ODAD2: variants seen among roughly 807,000 people sequenced by gnomAD.
The protein encoded by ODAD2 is outer dynein arm-docking complex subunit 2.
A neutral mutation model predicts 106.8 loss-of-function variants in ODAD2; 89 were observed. The observed-to-expected ratio is 0.83, with a 90% confidence interval of 0.70 to 0.99. ODAD2 has a LOEUF of 0.99. ODAD2 is among the 50% of genes least tolerant of loss of function. The pLI is 0.00. For missense variants in ODAD2, 1,168 were observed against 1,238.5 expected (o/e 0.94, Z 0.85); for synonymous variants, 404 against 436.2 (o/e 0.93, Z 0.92).
At chr10:27,965,863 C>T (rs544243109) in intron 9 of ODAD2, among the ~76,000 whole-genome samples, 29 of 152,274 alleles carry the variant, frequency 1.9e-4, no homozygotes, top group African/African-American at 6.5e-4. Context: ...TATTCCTCAT[C>T]GCTCTAGAAG....
At chr10:27,998,290 TA>T (rs1850675384) in intron 1 of ODAD2, among the ~76,000 whole-genome samples, 1 of 151,878 alleles carries the variant, frequency 6.6e-6, no homozygotes, top group Non-Finnish European at 1.5e-5. Flanking sequence ...GGGCCCTAAG[TA>T]AAACCAAAGC....
At chr10:27,864,507 T>C (rs1459165152) in intron 17 of ODAD2, among the ~76,000 whole-genome samples, 1 of 126,788 alleles carries the variant, frequency 7.9e-6, no homozygotes, top group Non-Finnish European at 1.7e-5. Flanking sequence ...GAAGTGAGAG[T>C]GGAGAGTGAG....
intron 8 of ODAD2, 49 bp downstream of exon 8, chr10:27,971,059 G>A: frequency 2.7e-6 from 3 of 1,128,694 alleles, no homozygotes; most frequent in Non-Finnish European, 2.6e-6. Flanking sequence ...AATTAGGTGA[G>A]TATGGTTACT....
At position 27,985,219 on chromosome 10, in the gene ODAD2, A is replaced by AAG; in HGVS notation, c.383-9_383-8insCT. 1.4e-6 allele frequency: 2 copies of AAG among 1,386,294 alleles called. No homozygotes were observed. Among genetic ancestry groups the AAG allele is most frequent in the Non-Finnish European group, 1.9e-6 (2 of 1,047,958 alleles). 85.9% of individuals were successfully genotyped at this position (1,386,294 alleles called of 1,614,324 possible). A position where few individuals can be genotyped will look rare whatever the true frequency, so the allele number is the denominator to read the frequency against. The stretch of plus-strand genomic sequence containing the variant: ...CTATGGGGTCTCTGTTAGCTGCCAA[A>AAG]AAAAAAAAAAAGGAGACAAATAAAA... On this transcript the variant is annotated splice_polypyrimidine_tract_variant and intron_variant, in intron 3 of 19. Coordinates refer to ENST00000305242, the MANE Select transcript of ODAD2 (RefSeq NM_018076.5).
At chr10:27,997,221 T>C (rs1330957613) in intron 1 of ODAD2, among the ~76,000 whole-genome samples, 1 of 152,204 alleles carries the variant, frequency 6.6e-6, no homozygotes, top group Non-Finnish European at 1.5e-5. Context: ...ATGCTTTAGA[T>C]TTAAACACAT....
rs373848149 is a variant in ODAD2, at chr10:27,853,776, A to G, written c.3021+6849T>C. Among the ~76,000 whole-genome samples, 24 of 152,324 alleles carry G rather than the reference A, an allele frequency of 1.6e-4. No individual in the cohort carries two copies. In the East Asian group the frequency reaches 2.5e-3, roughly 16 times the overall value. ...GTTTACTCGAATGGGTCATAGACTA[A>G]AAGTGAAAAACCAAAAATTATAAAA... On this transcript the variant is annotated intron_variant, in intron 19 of 19. Coordinates refer to ENST00000305242, the MANE Select transcript of ODAD2 (RefSeq NM_018076.5).
intron 9 of ODAD2, among the ~76,000 whole-genome samples, chr10:27,963,072 A>G (rs79305827): frequency 0.021 from 3,165 of 151,066 alleles, 91 homozygotes; most frequent in African/African-American, 0.063. Context: ...CAGTGGTGCA[A>G]TCTTGGCTCA....
chr10:27,958,269 A>T (rs1221818800), intron 10 of ODAD2, among the ~76,000 whole-genome samples: 1 of 152,168 alleles, frequency 6.6e-6, no homozygotes, highest in Non-Finnish European at 1.5e-5. Flanking sequence ...CTGTACTGGG[A>T]CAGAAATAGT....
chr10:27,986,106 T>C (rs1849858852), intron 3 of ODAD2, among the ~76,000 whole-genome samples: 1 of 152,136 alleles, frequency 6.6e-6, no homozygotes, highest in African/African-American at 2.4e-5. Flanking sequence ...GGTCATGGGA[T>C]ATGCCAAGGC....
intron 19 of ODAD2, among the ~76,000 whole-genome samples, chr10:27,851,586 GA>G (rs1283426215): frequency 6.6e-6 from 1 of 151,390 alleles, no homozygotes; most frequent in South Asian, 2.1e-4. Flanking sequence ...AAACATTGCA[GA>G]AAAAAAAGTG....
chr10:27,952,074 C>CA (rs71388944), intron 10 of ODAD2, among the ~76,000 whole-genome samples: 7,168 of 43,908 alleles, frequency 0.16, 660 homozygotes, highest in East Asian at 0.3. Context: ...GATGCCAACT[C>CA]AAAAAAAAAA....
chr10:27,825,526 C>T (rs1219503950), intron 19 of ODAD2, among the ~76,000 whole-genome samples: 1 of 152,202 alleles, frequency 6.6e-6, no homozygotes, highest in Admixed American at 6.5e-5. Flanking sequence ...ATGTATATGT[C>T]CTTCCATCAC....
intron 10 of ODAD2, among the ~76,000 whole-genome samples, chr10:27,956,204 T>C (rs1847722513): frequency 1.3e-5 from 2 of 152,156 alleles, no homozygotes; most frequent in African/African-American, 4.8e-5. Context: ...AACCCCATTG[T>C]CACTGTTTTC....
intron 19 of ODAD2, among the ~76,000 whole-genome samples, chr10:27,855,554 T>G (rs1839595386): frequency 6.6e-6 from 1 of 152,216 alleles, no homozygotes; most frequent in South Asian, 2.1e-4. Context: ...GATAAAACAT[T>G]AAGTATATGG....
chr10:27,908,414 G>A (rs920256544), intron 16 of ODAD2, among the ~76,000 whole-genome samples: 9 of 152,110 alleles, frequency 5.9e-5, no homozygotes, highest in Non-Finnish European at 1.2e-4. Flanking sequence ...TATCATCAGA[G>A]CCATCTCTCC....
chr10:27,949,965 A>G (rs72799682), intron 10 of ODAD2, among the ~76,000 whole-genome samples: 1 of 152,272 alleles, frequency 6.6e-6, no homozygotes, highest in Non-Finnish European at 1.5e-5. Context: ...ATTTGAAGTT[A>G]TTATCAGAGC....
At chr10:27,902,045 C>T (rs1843244557) in intron 17 of ODAD2, among the ~76,000 whole-genome samples, 1 of 152,114 alleles carries the variant, frequency 6.6e-6, no homozygotes, top group Non-Finnish European at 1.5e-5. Flanking sequence ...AAATTGACCA[C>T]AGAATTGGAA....
chr10:27,872,659 T>C (rs888682692), intron 17 of ODAD2, among the ~76,000 whole-genome samples: 1 of 152,232 alleles, frequency 6.6e-6, no homozygotes, highest in Admixed American at 6.5e-5. Flanking sequence ...GGATTACGTT[T>C]ATTGATTTGC....
At chr10:27,926,762 A>G (rs1845286399) in intron 16 of ODAD2, among the ~76,000 whole-genome samples, 2 of 152,186 alleles carry the variant, frequency 1.3e-5, no homozygotes, top group Admixed American at 1.3e-4. Context: ...TTTTAACTTA[A>G]ATTTTTTTAG....
Sources: allele counts gnomAD v4.1 joint callset (sites outside exome capture counted in the v4.1 genomes callset), GRCh38; gene constraint gnomAD v4.1.1; transcripts MANE v1.5; gene names NCBI Gene and HGNC (gene_info 2026-07-23, HGNC 2026-07-21).